The following PACRG variants were observed in gnomAD, a reference collection of about 807,000 sequenced individuals.
The protein encoded by PACRG is parkin coregulated gene protein.
PACRG carries 29 observed loss-of-function variants against 29.7 expected under a neutral mutation model. The observed-to-expected ratio is 0.98, with a 90% CI of 0.73 to 1.33. The LOEUF (loss-of-function observed/expected upper bound fraction) is 1.33, where lower values mean the gene tolerates loss of function less well. PACRG is among the 40% of genes most tolerant of loss of function. The pLI, the probability that PACRG is intolerant of heterozygous loss-of-function variation, is 0.00. For missense variants in PACRG, 279 were observed against 316.2 expected, an observed-to-expected ratio of 0.88 and a Z score of 0.89; for synonymous variants, 116 against 118.7, an observed-to-expected ratio of 0.98 and a Z score of 0.15.
At chr6:162,807,119 A>G (rs780275396) in intron 1 of PACRG, among the ~76,000 whole-genome samples, 14 of 152,174 alleles carry the variant, frequency 9.2e-5, no homozygotes, top group Non-Finnish European at 2.1e-4. Context: ...CTCAGCCTTC[A>G]CAGAATTGAA....
chr6:163,237,347 A>C (rs1349031408), intron 4 of PACRG, among the ~76,000 whole-genome samples: 1 of 152,028 alleles, frequency 6.6e-6, no homozygotes, highest in Non-Finnish European at 1.5e-5. Flanking sequence ...ATTTGCAGTA[A>C]TTTTATTTTC....
chr6:163,196,815 AATAG>A (rs1448441683), intron 4 of PACRG, among the ~76,000 whole-genome samples: 1 of 149,486 alleles, frequency 6.7e-6, no homozygotes, highest in Non-Finnish European at 1.5e-5. Context: ...CAGACAGACA[AATAG>A]ATAAACAGGT....
intron 3 of PACRG, among the ~76,000 whole-genome samples, chr6:163,071,856 A>T (rs1812087314): frequency 6.6e-6 from 1 of 151,934 alleles, no homozygotes; most frequent in African/African-American, 2.4e-5. Flanking sequence ...TCCTAAACAC[A>T]TAAAAACCTA....
chr6:162,835,074 A>G (rs1299089333), intron 2 of PACRG, among the ~76,000 whole-genome samples: 1 of 151,854 alleles, frequency 6.6e-6, no homozygotes, highest in East Asian at 1.9e-4. Context: ...ACTCTTTTTC[A>G]TTTTCCCATT....
At chr6:163,300,345 T>A (rs1784942259) in intron 4 of PACRG, among the ~76,000 whole-genome samples, 1 of 152,226 alleles carries the variant, frequency 6.6e-6, no homozygotes, top group Admixed American at 6.5e-5. Context: ...ACCATGGCGC[T>A]GAAGAGTCTG....
chr6:162,744,462 G>T (rs2128267567), intron 1 of PACRG, among the ~76,000 whole-genome samples: 1 of 152,178 alleles, frequency 6.6e-6, no homozygotes, highest in East Asian at 1.9e-4. Context: ...AGGCATTGTG[G>T]CACATAACTG....
chr6:163,308,133 T>C (rs1178258550), intron 4 of PACRG, among the ~76,000 whole-genome samples: 4 of 152,230 alleles, frequency 2.6e-5, no homozygotes, highest in African/African-American at 9.6e-5. Context: ...CCTTTTCCCC[T>C]TTCTTAATTC....
At chr6:163,259,907 G>C (rs532944135) in intron 4 of PACRG, among the ~76,000 whole-genome samples, 8 of 152,156 alleles carry the variant, frequency 5.3e-5, no homozygotes, top group Non-Finnish European at 8.8e-5. Flanking sequence ...ATGGAGGAAG[G>C]AGAACAGGAT....
intron 4 of PACRG, among the ~76,000 whole-genome samples, chr6:163,308,831 C>T (rs765562763): frequency 2.6e-5 from 4 of 152,114 alleles, no homozygotes; most frequent in South Asian, 2.1e-4. Context: ...CTCACCACAG[C>T]GGATGACATC....
chr6:163,239,814 C>G (rs1782400524), intron 4 of PACRG, among the ~76,000 whole-genome samples: 1 of 143,854 alleles, frequency 7.0e-6, no homozygotes. Context: ...ACTCCCACTC[C>G]CACCCCTACT....
rs1418185325 is a variant in PACRG, at chr6:162,809,731, G to A, written c.157-4416G>A. The stretch of plus-strand genomic sequence containing the variant: ...AACAAATTTTAGACCAACTCAGTAA[G>A]TGGGAGGCTTATTATCAACAGTAAA... On this transcript the variant is annotated intron_variant, in intron 1 of 4. Transcript: ENST00000366888. 3.3e-5 allele frequency among the ~76,000 whole-genome samples: 5 copies of A among 152,318 alleles called. No individual in the cohort carries two copies. The South Asian group carries it at 6.2e-4, about 19-fold the overall frequency.
chr6:162,814,423 G>GC (rs34399515), intron 2 of PACRG, 142 bp downstream of exon 2: 2 of 1,041,278 alleles, frequency 1.9e-6, no homozygotes. Context: ...CTTAGAGAAA[G>GC]CCCCCCTGTG....
At chr6:163,313,965 G>C (rs1785542593) in intron 4 of PACRG, 1 of 152,166 alleles carries the variant, frequency 6.6e-6, no homozygotes, top group South Asian at 2.1e-4. Context: ...CCTCACCCTT[G>C]GTAACTCCTG....
intron 2 of PACRG, among the ~76,000 whole-genome samples, chr6:162,860,233 G>T (rs936089307): frequency 2.6e-5 from 4 of 152,160 alleles, no homozygotes; most frequent in Non-Finnish European, 4.4e-5. Context: ...AGGGGAAGAA[G>T]TAATTCCATA....
chr6:163,056,100 A>G (rs936312887), intron 2 of PACRG, among the ~76,000 whole-genome samples: 4 of 152,356 alleles, frequency 2.6e-5, no homozygotes, highest in South Asian at 2.1e-4. Flanking sequence ...AATGAAGACT[A>G]CAGAAAATAA....
At chr6:162,943,337 C>G (rs1798764776) in intron 2 of PACRG, among the ~76,000 whole-genome samples, 1 of 152,166 alleles carries the variant, frequency 6.6e-6, no homozygotes, top group South Asian at 2.1e-4. Flanking sequence ...CTGCTGTTAC[C>G]AGGGCCAAAG....
At chr6:163,043,687 G>T (rs61610793) in intron 2 of PACRG, among the ~76,000 whole-genome samples, 20,392 of 152,190 alleles carry the variant, frequency 0.13, 1,491 homozygotes, top group East Asian at 0.28. Context: ...AATAATGGAA[G>T]AATACTTTCC....
chr6:163,004,297 G>A (rs942634), intron 2 of PACRG, among the ~76,000 whole-genome samples: 1 of 150,662 alleles, frequency 6.6e-6, no homozygotes, highest in East Asian at 1.9e-4. Context: ...CTATAATATT[G>A]TATTAGTTTG....
At chr6:163,041,679 A>G (rs1319777310) in intron 2 of PACRG, among the ~76,000 whole-genome samples, 2 of 152,160 alleles carry the variant, frequency 1.3e-5, no homozygotes, top group African/African-American at 4.8e-5. Context: ...TGCATTGACC[A>G]TGTTCATTGT....
Sources: allele counts gnomAD v4.1 joint callset (sites outside exome capture counted in the v4.1 genomes callset), GRCh38; gene constraint gnomAD v4.1.1; transcripts MANE v1.5; gene names NCBI Gene and HGNC (gene_info 2026-07-23, HGNC 2026-07-21).